Variants in NUP153 observed in about 807,000 individuals in gnomAD.
The protein encoded by NUP153 is nuclear pore complex protein Nup153.
Under a neutral mutation model 134.6 loss-of-function variants are expected in NUP153, and 27 were observed. That is an observed-to-expected ratio of 0.20 (90% CI 0.15 to 0.28). NUP153 has a LOEUF of 0.28. Ranked by LOEUF, NUP153 falls within the 10% of genes least tolerant of loss-of-function variation. The pLI is 1.00. For missense variants in NUP153, 1,821 were observed against 1,731.3 expected, an observed-to-expected ratio of 1.05 and a Z score of -0.92; for synonymous variants, 640 against 623.5, an observed-to-expected ratio of 1.03 and a Z score of -0.40.
chr6:17,661,610 C>T (rs1401633943), intron 11 of NUP153, 43 bp downstream of exon 11: 2 of 1,580,076 alleles, frequency 1.3e-6, no homozygotes, highest in East Asian at 2.3e-5. Flanking sequence ...CACACCAATG[C>T]TTTTTAAATA....
Position 17,617,034 on chromosome 6 carries a change from C to T in NUP153, c.4175-339G>A, listed in dbSNP as rs1048916329. 6.6e-5 allele frequency among the ~76,000 whole-genome samples: 10 copies of T among 152,314 alleles called. No homozygotes were observed. In the East Asian group the frequency reaches 1.7e-3, roughly 26 times the overall value. ...CAAAGTGCTGGATTACAGGCGTAAGCCACTGCACCCGGCCGCAACATGATA... is the reference window on the plus strand; with the variant it reads ...CAAAGTGCTGGATTACAGGCGTAAGTCACTGCACCCGGCCGCAACATGATA... On this transcript the variant is annotated intron_variant, in intron 20 of 21. Coordinates refer to ENST00000262077, the MANE Select transcript of NUP153 (RefSeq NM_005124.4).
At chr6:17,668,068 A>ATTTTT (rs1767653441) in intron 8 of NUP153, among the ~76,000 whole-genome samples, 1 of 116,182 alleles carries the variant, frequency 8.6e-6, no homozygotes, top group African/African-American at 3.4e-5. Context: ...AGTTTACTGA[A>ATTTTT]CTTTTTTTTT....
chr6:17,621,450 A>ATCT (rs1267447821), intron 20 of NUP153, among the ~76,000 whole-genome samples: 3 of 152,222 alleles, frequency 2.0e-5, no homozygotes, highest in Admixed American at 2.0e-4. Flanking sequence ...TACGGAATCA[A>ATCT]TCTAAGTGTC....
chr6:17,669,579 C>T (rs1767773297), intron 5 of NUP153, 33 bp from the exon 6 acceptor site: 1 of 1,392,738 alleles, frequency 7.2e-7, no homozygotes, highest in African/African-American at 1.4e-5. Flanking sequence ...TTTGTTGCAA[C>T]ATAAAATCTA....
At chr6:17,697,687 CA>C (rs1386709296) in intron 1 of NUP153, among the ~76,000 whole-genome samples, 3 of 147,146 alleles carry the variant, frequency 2.0e-5, no homozygotes, top group Admixed American at 7.0e-5. Flanking sequence ...GACTCCATCT[CA>C]AAAAAAAGGA....
chr6:17,654,762 C>T (rs1263316597), intron 11 of NUP153, among the ~76,000 whole-genome samples: 1 of 152,146 alleles, frequency 6.6e-6, no homozygotes, highest in East Asian at 1.9e-4. Flanking sequence ...AAGTAGAACA[C>T]ACATTTCACA....
intron 1 of NUP153, among the ~76,000 whole-genome samples, chr6:17,704,917 G>T (rs1561919736): frequency 6.6e-6 from 1 of 152,014 alleles, no homozygotes; most frequent in African/African-American, 2.4e-5. Flanking sequence ...CTGCCACCAC[G>T]CCCGGCTAAT....
intron 11 of NUP153, among the ~76,000 whole-genome samples, chr6:17,650,925 T>A (rs571542547): frequency 2.6e-5 from 4 of 152,246 alleles, no homozygotes; most frequent in African/African-American, 9.6e-5. Context: ...GGATGTGGTA[T>A]GAAAGTAACA....
rs1230461976 is a variant in NUP153 at position 17,626,462 on chromosome 6, G to A, written c.3545-298C>T. Among the ~76,000 whole-genome samples the A allele has an allele frequency of 2.6e-5, 4 of 152,168 alleles. No individual in the cohort carries two copies. In the East Asian group the frequency reaches 7.7e-4, roughly 29 times the overall value. ...TCTAACTGGATACTGTAGTTGAATA[G>A]CAAGCTTAGATAGTGGAAGACAGCT... On this transcript the variant is annotated intron_variant, in intron 18 of 21. Transcript: ENST00000262077.
Position 17,626,144 on chromosome 6 carries a change from C to T in NUP153, c.3565G>A (p.Val1189Ile). The change falls in exon 19 of 22, where the codon GTT becomes ATT. Residue 1189 changes from valine to isoleucine, a missense_variant. By Grantham distance (29) the Val-to-Ile change is conservative. Coordinates refer to ENST00000262077, the MANE Select transcript of NUP153 (RefSeq NM_005124.4). ...GAACTGTTGTTCAAGAAACTAAAAA[C>T]TGGCTTTGCTGCACCTTGATCTGTA... ...TTADQGAAKP[V>I]FSFLNNSSSS... 6.2e-7 allele frequency: 1 copy of T among 1,612,380 alleles called. No homozygotes were observed. The highest frequency in any genetic ancestry group is 8.5e-7 in the Non-Finnish European group (1 of 1,179,732).
intron 5 of NUP153, among the ~76,000 whole-genome samples, chr6:17,671,235 T>C (rs1414493107): frequency 6.6e-6 from 1 of 152,228 alleles, no homozygotes; most frequent in African/African-American, 2.4e-5. Flanking sequence ...TTTGTGTCTA[T>C]AATTCATGAG....
chr6:17,688,995 T>C (rs746806196), intron 1 of NUP153, among the ~76,000 whole-genome samples: 6 of 151,984 alleles, frequency 3.9e-5, no homozygotes, highest in East Asian at 1.9e-4. Flanking sequence ...ATACTTTCAA[T>C]AGCTTTCTCA....
At chr6:17,672,550 T>G (rs1253571455) in intron 5 of NUP153, among the ~76,000 whole-genome samples, 1 of 152,242 alleles carries the variant, frequency 6.6e-6, no homozygotes, top group Non-Finnish European at 1.5e-5. Flanking sequence ...CACTCCAACC[T>G]GTGTGACAGA....
intron 15 of NUP153, among the ~76,000 whole-genome samples, chr6:17,639,471 CCTTT>C (rs1765730952): frequency 1.3e-5 from 2 of 152,180 alleles, no homozygotes; most frequent in Non-Finnish European, 2.9e-5. Flanking sequence ...CTATTTATCC[CCTTT>C]CTAATTATTA....
intron 16 of NUP153, among the ~76,000 whole-genome samples, chr6:17,634,486 G>A (rs926310864): frequency 1.3e-5 from 2 of 151,902 alleles, no homozygotes; most frequent in Non-Finnish European, 2.9e-5. Context: ...GCCCAGGGTG[G>A]AGTAGAGTGG....
intron 20 of NUP153, chr6:17,619,429 A>G (rs897687735): frequency 6.6e-6 from 1 of 152,214 alleles, no homozygotes; most frequent in African/African-American, 2.4e-5. Flanking sequence ...GGAATCTCCA[A>G]AAGAATGGTA....
chr6:17,649,339 A>G, intron 11 of NUP153, 39 bp from the exon 12 acceptor site: 1 of 1,578,834 alleles, frequency 6.3e-7, no homozygotes, highest in South Asian at 1.1e-5. Context: ...TTCATCTTTC[A>G]CATCATTCTT....
At chr6:17,616,276 G>C in intron 21 of NUP153, 95 bp from the exon 22 acceptor site, 2 of 441,944 alleles carry the variant, frequency 4.5e-6, no homozygotes, top group Non-Finnish European at 7.9e-6. Flanking sequence ...GGTAAGGGGG[G>C]TCGGGTGGGG....
At chr6:17,619,799 G>C (rs1279392253) in intron 20 of NUP153, among the ~76,000 whole-genome samples, 3 of 152,086 alleles carry the variant, frequency 2.0e-5, no homozygotes, top group East Asian at 1.9e-4. Flanking sequence ...ATTCTCCATA[G>C]AAATAGAAAC....
Sources: allele counts gnomAD v4.1 joint callset (sites outside exome capture counted in the v4.1 genomes callset), GRCh38; gene constraint gnomAD v4.1.1; transcripts MANE v1.5; gene names NCBI Gene and HGNC (gene_info 2026-07-23, HGNC 2026-07-21).